HNRNPD: variants seen among roughly 807,000 people sequenced by gnomAD.
The protein encoded by HNRNPD is heterogeneous nuclear ribonucleoprotein D0.
A neutral mutation model predicts 47.9 loss-of-function variants in HNRNPD; 3 were observed. That is an observed-to-expected ratio of 0.06 (90% CI 0.03 to 0.16). The LOEUF (loss-of-function observed/expected upper bound fraction) is 0.16, where lower values mean the gene tolerates loss of function less well. Ranked by LOEUF, HNRNPD falls within the 10% of genes least tolerant of loss-of-function variation. The pLI is 1.00. For synonymous variants in HNRNPD, 171 were observed against 165.1 expected, an observed-to-expected ratio of 1.04 and a Z score of -0.28; for missense variants, 287 against 454.2, an observed-to-expected ratio of 0.63 and a Z score of 3.35.
At position 82,373,658 on chromosome 4, in the gene HNRNPD, G is replaced by C; in HGVS notation, c.21C>G (p.Gly7=). Residue 7 remains glycine, a synonymous_variant, in exon 1 of 9, where the codon GGC becomes GGG. Transcript: ENST00000313899. MSEEQF[G]GDGAAAAATA... Reference sequence around the variant, plus strand: ...TTGCCGCTGCCGCCGCCCCGTCCCCGCCGAACTGCTCCTCCGACATAGTGC... The same window carrying C: ...TTGCCGCTGCCGCCGCCCCGTCCCCCCCGAACTGCTCCTCCGACATAGTGC... 1.3e-6 allele frequency: 2 copies of C among 1,527,168 alleles called. No homozygotes were observed. Among genetic ancestry groups the C allele is most frequent in the Non-Finnish European group, 8.7e-7 (1 of 1,143,674 alleles). 94.6% of individuals were successfully genotyped at this position (1,527,168 alleles called of 1,614,324 possible). A position where few individuals can be genotyped will look rare whatever the true frequency, so the allele number is the denominator to read the frequency against.
intron 4 of HNRNPD, chr4:82,357,877 CAGGAG>C: frequency 6.5e-6 from 1 of 153,358 alleles, no homozygotes; most frequent in Admixed American, 6.5e-5. Context: ...TGCTGCCGTA[CAGGAG>C]GGCAGCGTCA....
At chr4:82,370,156 A>C (rs942177428) in intron 2 of HNRNPD, among the ~76,000 whole-genome samples, 3 of 152,148 alleles carry the variant, frequency 2.0e-5, no homozygotes, top group African/African-American at 7.2e-5. Flanking sequence ...AATAAAATAA[A>C]CCTGGGTAAA....
intron 2 of HNRNPD, among the ~76,000 whole-genome samples, chr4:82,367,144 A>T (rs1028017627): frequency 6.6e-6 from 1 of 151,798 alleles, no homozygotes; most frequent in African/African-American, 2.4e-5. Context: ...CAGTGATTAC[A>T]GGCACGAGCC....
chr4:82,361,705 A>G (rs1008319440), intron 2 of HNRNPD, among the ~76,000 whole-genome samples: 4 of 152,234 alleles, frequency 2.6e-5, no homozygotes, highest in African/African-American at 9.6e-5. Context: ...AAATAAATTA[A>G]AACACCAAGA....
At chr4:82,354,713 G>A (rs1203623940) in intron 8 of HNRNPD, 1 of 152,626 alleles carries the variant, frequency 6.6e-6, no homozygotes, top group East Asian at 1.9e-4. Flanking sequence ...TGTATCCTTA[G>A]AAGAATAAAT....
In HNRNPD at chr4:82,356,993, T is replaced by C. The variant is rs1723739060; in HGVS notation, c.754-98A>G. 5.8e-6 allele frequency: 6 copies of C among 1,041,510 alleles called. No individual in the cohort carries two copies. In the East Asian group the frequency reaches 1.2e-4, roughly 21 times the overall value. The allele number at this position is 1,041,510 out of a possible 1,614,324, so 64.5% of individuals were successfully genotyped here. A position where few individuals can be genotyped will look rare whatever the true frequency, so the allele number is the denominator to read the frequency against. On this transcript the variant is annotated intron_variant, in intron 5 of 8. Coordinates refer to ENST00000313899, the MANE Select transcript of HNRNPD (RefSeq NM_031370.3). ...GAATAGCCAACATGTTTAAATAGAG[T>C]AGGCTAATTTGAAACTTTCCTCAGT... is the stretch of plus-strand genomic sequence containing the variant.
At chr4:82,361,410 A>G (rs964024449) in intron 2 of HNRNPD, among the ~76,000 whole-genome samples, 2 of 152,230 alleles carry the variant, frequency 1.3e-5, no homozygotes, top group African/African-American at 4.8e-5. Flanking sequence ...CCACAACAGA[A>G]ATAACTTCAA....
chr4:82,355,430 A>G lies in HNRNPD; in HGVS notation c.1001-29T>C, dbSNP rs187232303. Reference sequence around the variant, plus strand: ...AAATAAAACAAGTGTTAGAACCAGAACGGTAGTGGTTACATACTAATAATC... The same window carrying G: ...AAATAAAACAAGTGTTAGAACCAGAGCGGTAGTGGTTACATACTAATAATC... On this transcript the variant is annotated intron_variant, in intron 7 of 8. Transcript: ENST00000313899. 52 of 1,523,302 alleles carry G rather than the reference A, an allele frequency of 3.4e-5. No homozygotes were observed. The Admixed American group carries it at 7.2e-4, about 21-fold the overall frequency. 94.4% of individuals were successfully genotyped at this position (1,523,302 alleles called of 1,614,324 possible).
At chr4:82,365,637 G>A (rs568937499) in intron 2 of HNRNPD, among the ~76,000 whole-genome samples, 34 of 152,116 alleles carry the variant, frequency 2.2e-4, no homozygotes, top group Non-Finnish European at 3.8e-4. Context: ...ACAGAGTCTC[G>A]CTCTATTGCC....
chr4:82,370,981 T>TATACACACTCAC (rs142474751), intron 2 of HNRNPD, among the ~76,000 whole-genome samples: 1 of 149,354 alleles, frequency 6.7e-6, no homozygotes, highest in African/African-American at 2.5e-5. Flanking sequence ...GGTATATATA[T>TATACACACTCAC]ACACACACAC....
At chr4:82,362,967 T>C (rs895865707) in intron 2 of HNRNPD, among the ~76,000 whole-genome samples, 6 of 152,042 alleles carry the variant, frequency 3.9e-5, no homozygotes, top group African/African-American at 1.2e-4. Flanking sequence ...AATGGGCACT[T>C]AGTCTCTACA....
intron 1 of HNRNPD, chr4:82,373,118 C>T (rs1235005678): frequency 3.6e-6 from 2 of 563,076 alleles, no homozygotes; most frequent in Non-Finnish European, 3.4e-6. Context: ...AAAAAAGGTA[C>T]CCCACGACAG....
rs757002313 is a variant in HNRNPD at position 82,373,807 on chromosome 4, G to C, written c.-129C>G. 4 of 1,499,718 alleles carry C rather than the reference G, an allele frequency of 2.7e-6. No homozygotes were observed. The Admixed American group carries it at 8.3e-5, about 31-fold the overall frequency. 92.9% of individuals were successfully genotyped at this position (1,499,718 alleles called of 1,614,324 possible). A position where few individuals can be genotyped will look rare whatever the true frequency, so the allele number is the denominator to read the frequency against. On this transcript the variant is annotated 5_prime_UTR_variant, in exon 1 of 9. Coordinates refer to ENST00000313899, the MANE Select transcript of HNRNPD (RefSeq NM_031370.3). ...CTCGCGAAGCACACAAGACAGGGAA[G>C]GCGCGCGCGTGGCTGCAAAGGCTCC...
At chr4:82,358,103 A>C (rs985063683) in intron 4 of HNRNPD, 7 of 152,280 alleles carry the variant, frequency 4.6e-5, no homozygotes, top group African/African-American at 1.4e-4. Context: ...TATTTCACTA[A>C]TGAGTCTAAG....
chr4:82,368,266 ATGTATACTCAAT>A (rs1719864088), intron 2 of HNRNPD, among the ~76,000 whole-genome samples: 1 of 152,182 alleles, frequency 6.6e-6, no homozygotes, highest in Non-Finnish European at 1.5e-5. Flanking sequence ...GTATACTCAA[ATGTATACTCAAT>A]AGTATACTCA....
At position 82,356,688 on chromosome 4, in the gene HNRNPD, A is replaced by G. The variant is rs2109989147; in HGVS notation, c.854-5T>C. The G allele has an allele frequency of 6.2e-7, 1 of 1,613,640 alleles. No homozygotes were observed. The highest frequency in any genetic ancestry group is 2.2e-5 in the East Asian group (1 of 44,878). ...GGTTCCAGTTTTGACTGGGGCCTGC[A>G]GCACATTAATAGGTTCACTAAAGTC... is the stretch of plus-strand genomic sequence containing the variant. On this transcript the variant is annotated splice_polypyrimidine_tract_variant and splice_region_variant and intron_variant, in intron 6 of 8. Transcript: ENST00000313899.
rs1475709081 is a variant in HNRNPD at position 82,362,332 on chromosome 4, A to C, written c.291-2693T>G. 2.0e-5 allele frequency among the ~76,000 whole-genome samples: 3 copies of C among 152,174 alleles called. No individual in the cohort carries two copies. In the East Asian group the frequency reaches 5.8e-4, roughly 29 times the overall value. Reference sequence around the variant, plus strand: ...AAGTAGCCAGCTGTCAAACTTTTCAAATTCTGTGTAAAGTAGAAGTCTCTA... The same window carrying C: ...AAGTAGCCAGCTGTCAAACTTTTCACATTCTGTGTAAAGTAGAAGTCTCTA... On this transcript the variant is annotated intron_variant, in intron 2 of 8. Coordinates refer to ENST00000313899, the MANE Select transcript of HNRNPD (RefSeq NM_031370.3).
intron 1 of HNRNPD, chr4:82,372,973 A>AT: frequency 2.9e-6 from 1 of 348,118 alleles, no homozygotes; most frequent in Non-Finnish European, 5.8e-6. Flanking sequence ...ATGTGCTTAT[A>AT]AACAATCGCA....
At chr4:82,359,237 A>C (rs1723864142) in intron 3 of HNRNPD, among the ~76,000 whole-genome samples, 1 of 152,156 alleles carries the variant, frequency 6.6e-6, no homozygotes, top group Non-Finnish European at 1.5e-5. Flanking sequence ...GGCATCTTTA[A>C]GTCTATAGTA....
Sources: allele counts gnomAD v4.1 joint callset (sites outside exome capture counted in the v4.1 genomes callset), GRCh38; gene constraint gnomAD v4.1.1; transcripts MANE v1.5; gene names NCBI Gene and HGNC (gene_info 2026-07-23, HGNC 2026-07-21).